Variants in DYNC2H1 observed in about 807,000 individuals in gnomAD.
DYNC2H1 encodes dynein cytoplasmic 2 heavy chain 1.
A neutral mutation model predicts 570.0 loss-of-function variants in DYNC2H1; 410 were observed. That is an observed-to-expected ratio of 0.72 (90% CI 0.66 to 0.78). The LOEUF (loss-of-function observed/expected upper bound fraction) is 0.78, where lower values mean the gene tolerates loss of function less well. DYNC2H1 is among the 30% of genes least tolerant of loss of function. The pLI, the probability that DYNC2H1 is intolerant of heterozygous loss-of-function variation, is 0.00. For missense variants in DYNC2H1, 4,865 were observed against 5,046.4 expected (o/e 0.96, Z 1.09); for synonymous variants, 1,688 against 1,677.6 (o/e 1.01, Z -0.15).
intron 70 of DYNC2H1, among the ~76,000 whole-genome samples, chr11:103,276,313 AT>A (rs1227092648): frequency 1.3e-5 from 2 of 152,146 alleles, no homozygotes; most frequent in Non-Finnish European, 2.9e-5. Context: ...AGGTCTTTTC[AT>A]TGTATGTATG....
At chr11:103,375,668 A>G (rs752803197) in intron 83 of DYNC2H1, among the ~76,000 whole-genome samples, 7 of 152,198 alleles carry the variant, frequency 4.6e-5, no homozygotes, top group Non-Finnish European at 8.8e-5. Context: ...CATGGGGCCT[A>G]TAGCCCCTTT....
Position 103,135,759 on chromosome 11 carries a change from C to A in DYNC2H1, c.2385C>A (p.Ile795=), listed in dbSNP as rs780228819. 6.2e-7 allele frequency: 1 copy of A among 1,610,846 alleles called. No homozygotes were observed. The highest frequency in any genetic ancestry group is 8.5e-7 in the Non-Finnish European group (1 of 1,178,308). ...AATTCAGGCCCCCTTTTGAAGAAAT[C>A]CGGGCTAAATATTATAGAGAAATGA... ...RLQFRPPFEE[I]RAKYYREMKR... The change falls in exon 17 of 89, where the codon ATC becomes ATA. Residue 795 remains isoleucine (I), a synonymous_variant. Coordinates refer to ENST00000375735, the MANE Select transcript of DYNC2H1 (RefSeq NM_001377.3).
chr11:103,164,955 C>T (rs987386398), intron 30 of DYNC2H1, among the ~76,000 whole-genome samples: 3 of 152,054 alleles, frequency 2.0e-5, no homozygotes, highest in East Asian at 3.9e-4. Flanking sequence ...AATCAAAGAG[C>T]AAAGTATTTT....
Position 103,468,678 on chromosome 11 carries a change from C to G in DYNC2H1, c.12738C>G (p.Leu4246=). ...QLDSPSVSSV[L]PCFMGWIPQD... ...ATTCTCCCAGCGTGTCATCAGTGCT[C>G]CCTTGTTTTATGGGCTGGATTCCAC... The change falls in exon 88 of 89, where the codon CTC becomes CTG. Residue 4246 remains leucine, a synonymous_variant. Coordinates refer to ENST00000375735, the MANE Select transcript of DYNC2H1 (RefSeq NM_001377.3). The G allele has an allele frequency of 6.2e-7, 1 of 1,613,312 alleles. No homozygotes were observed. Among genetic ancestry groups the G allele is most frequent in the Middle Eastern group, 1.7e-4 (1 of 6,058 alleles).
rs145099898 is a variant in DYNC2H1, at chr11:103,241,971, C to A, written c.9820-1722C>A. On this transcript the variant is annotated intron_variant, in intron 63 of 88. Transcript: ENST00000375735. The surrounding 1 kb of genome is among the most constrained non-coding windows in gnomAD (Gnocchi z 5.1). Reference sequence around the variant, plus strand: ...GATATAAAACTATTCGTCCACAGGGCAGATAATTCCCACTATCTCCCTCCC... The same window carrying A: ...GATATAAAACTATTCGTCCACAGGGAAGATAATTCCCACTATCTCCCTCCC... 8.7e-4 allele frequency among the ~76,000 whole-genome samples: 132 copies of A among 152,164 alleles called. No homozygotes were observed. Among genetic ancestry groups the A allele is most frequent in the Admixed American group, 1.9e-3 (29 of 15,288 alleles).
intron 5 of DYNC2H1, among the ~76,000 whole-genome samples, chr11:103,117,390 T>A (rs992866921): frequency 2.0e-5 from 3 of 151,308 alleles, no homozygotes; most frequent in Non-Finnish European, 1.5e-5. Context: ...ATTTCTATAC[T>A]TAAAAGGTGT....
intron 75 of DYNC2H1, among the ~76,000 whole-genome samples, chr11:103,290,010 G>A (rs922055048): frequency 2.6e-5 from 4 of 151,856 alleles, no homozygotes; most frequent in South Asian, 2.1e-4. Context: ...AGTCAACCAC[G>A]AGAACCTAGG....
At position 103,120,727 on chromosome 11, in the gene DYNC2H1, T is replaced by G. The variant is rs1286571022; in HGVS notation, c.1173T>G (p.Ile391Met). The G allele has an allele frequency of 6.2e-7, 1 of 1,610,112 alleles. No individual in the cohort carries two copies. The highest frequency in any genetic ancestry group is 8.5e-7 in the Non-Finnish European group (1 of 1,177,864). The change falls in exon 8 of 89, where the codon ATT (isoleucine) becomes ATG (methionine). Residue 391 changes from isoleucine to methionine, a missense_variant. This residue lies in a region of DYNC2H1 where 1,936 missense variants were observed against 1,962.1 expected (regional missense o/e 0.99). Transcript: ENST00000375735. ...WKAAVSQYEK[I>M]IAPAEQKIAG... The stretch of plus-strand genomic sequence containing the variant: ...CTGCGGTGTCTCAATATGAAAAGAT[T>G]ATTGCACCTGCGGAACAAAAAATAG...
chr11:103,428,703 T>G (rs1210151497), intron 84 of DYNC2H1, among the ~76,000 whole-genome samples: 1 of 152,198 alleles, frequency 6.6e-6, no homozygotes, highest in Non-Finnish European at 1.5e-5. Context: ...CCTGGTATTT[T>G]GGGTACCTCA....
rs766725578 is a variant in DYNC2H1 at position 103,243,820 on chromosome 11, A to G, written c.9918+29A>G. 3 of 1,484,838 alleles carry G rather than the reference A, an allele frequency of 2.0e-6. No individual in the cohort carries two copies. Among genetic ancestry groups the G allele is most frequent in the Admixed American group, 3.9e-5 (2 of 50,726 alleles). The allele number at this position is 1,484,838 out of a possible 1,614,324, so 92.0% of individuals were successfully genotyped here. A position where few individuals can be genotyped will look rare whatever the true frequency, so the allele number is the denominator to read the frequency against. On this transcript the variant is annotated intron_variant, in intron 64 of 88. Coordinates refer to ENST00000375735, the MANE Select transcript of DYNC2H1 (RefSeq NM_001377.3). The surrounding 1 kb of genome is among the most constrained non-coding windows in gnomAD (Gnocchi z 4.8). ...TGTATTATTTATAATTTACATACCA[A>G]TTAGGAATGACCTCTTATAGTGAAA...
chr11:103,165,127 C>T (rs1305333281), intron 30 of DYNC2H1, among the ~76,000 whole-genome samples: 1 of 152,134 alleles, frequency 6.6e-6, no homozygotes, highest in Non-Finnish European at 1.5e-5. Flanking sequence ...GTAATATTTA[C>T]AGAATGTTTT....
At chr11:103,460,054 A>G (rs915890771) in intron 87 of DYNC2H1, among the ~76,000 whole-genome samples, 1 of 149,344 alleles carries the variant, frequency 6.7e-6, no homozygotes, top group East Asian at 2.0e-4. Flanking sequence ...GGGTTTTGCT[A>G]TGTGGCCCAG....
Position 103,222,147 on chromosome 11 carries a change from T to C in DYNC2H1, c.9225T>C (p.Asp3075=). 1 of 1,546,656 alleles carries C rather than the reference T, an allele frequency of 6.5e-7. No homozygotes were observed. The highest frequency in any genetic ancestry group is 8.8e-7 in the Non-Finnish European group (1 of 1,139,666). ...ELLFKNKGSF[D]PKNAKRASTA... is the part of the protein sequence containing the mutation. ...TTTTTAAAAATAAAGGCTCTTTTGA[T>C]CCAAAGGTAATTTTTAAGTTATACT... is the stretch of plus-strand genomic sequence containing the variant. The change falls in exon 58 of 89, where the codon GAT becomes GAC. Residue 3075 remains aspartate, a synonymous_variant. Coordinates refer to ENST00000375735, the MANE Select transcript of DYNC2H1 (RefSeq NM_001377.3).
chr11:103,445,419 G>T (rs769360269), intron 85 of DYNC2H1, among the ~76,000 whole-genome samples: 2 of 152,072 alleles, frequency 1.3e-5, no homozygotes, highest in Non-Finnish European at 2.9e-5. Context: ...TTTTACTTAT[G>T]TAGAGATTTG....
chr11:103,292,299 A>C (rs1017049092), intron 75 of DYNC2H1, among the ~76,000 whole-genome samples: 1 of 152,076 alleles, frequency 6.6e-6, no homozygotes. Flanking sequence ...TGAAGAAAAC[A>C]TAACCAGTGG....
intron 63 of DYNC2H1, among the ~76,000 whole-genome samples, chr11:103,242,589 T>C (rs1012310580): frequency 2.6e-5 from 4 of 152,214 alleles, no homozygotes; most frequent in African/African-American, 9.6e-5. Context: ...TAGATCAGTT[T>C]AAATTTTAGT....
At chr11:103,422,561 T>G (rs568226335) in intron 84 of DYNC2H1, among the ~76,000 whole-genome samples, 1 of 152,184 alleles carries the variant, frequency 6.6e-6, no homozygotes, top group African/African-American at 2.4e-5. Context: ...ATGTGTTTCA[T>G]TGCATAAACA....
intron 12 of DYNC2H1, 110 bp downstream of exon 12, chr11:103,125,405 GC>G (rs1858943758): frequency 3.9e-6 from 3 of 778,230 alleles, no homozygotes; most frequent in African/African-American, 1.9e-5. Flanking sequence ...GAATAGCACT[GC>G]CAGCTGTGAA....
chr11:103,433,813 T>C (rs1031090595), intron 84 of DYNC2H1, among the ~76,000 whole-genome samples: 5 of 152,146 alleles, frequency 3.3e-5, no homozygotes, highest in African/African-American at 1.2e-4. Flanking sequence ...CGCATAAATA[T>C]TGTTCCCATC....
Sources: gnomAD v4.1 joint callset for allele counts (sites outside exome capture counted in the v4.1 genomes callset) on GRCh38, gnomAD v4.1.1 for gene constraint, gnomAD v4.1.1 regional missense constraint, Gnocchi (gnomAD v3.1) non-coding constraint, MANE v1.5 for transcripts, NCBI Gene and HGNC (gene_info 2026-07-23, HGNC 2026-07-21) for gene names.